AP2B1: variants seen among roughly 807,000 people sequenced by gnomAD.
AP2B1 encodes the protein AP-2 complex subunit beta.
Under a neutral mutation model 102.0 loss-of-function variants are expected in AP2B1, and 23 were observed. The observed-to-expected ratio is 0.23, with a 90% CI of 0.16 to 0.32. The LOEUF (loss-of-function observed/expected upper bound fraction) is 0.32. AP2B1 is among the 10% of genes least tolerant of loss of function. AP2B1 has a pLI of 1.00. For missense variants in AP2B1, 541 were observed against 1,157.4 expected, an observed-to-expected ratio of 0.47 and a Z score of 7.73; for synonymous variants, 381 against 421.2, an observed-to-expected ratio of 0.90 and a Z score of 1.17.
chr17:35,633,399 A>G (rs1365362980), intron 9 of AP2B1, among the ~76,000 whole-genome samples: 2 of 152,044 alleles, frequency 1.3e-5, no homozygotes, highest in Admixed American at 6.6e-5. Flanking sequence ...TCATGGTACA[A>G]CAGAACCATC....
At position 35,649,821 on chromosome 17, in the gene AP2B1, G is replaced by A. The variant is rs564825132; in HGVS notation, c.1537-709G>A. Reference sequence around the variant, plus strand: ...CTGTTGCCCAGTCTGGAGTGCAGCGGTGCAGTCATGGCTCACTGCAGCCTC... The same window carrying A: ...CTGTTGCCCAGTCTGGAGTGCAGCGATGCAGTCATGGCTCACTGCAGCCTC... On this transcript the variant is annotated intron_variant, in intron 12 of 21. Transcript: ENST00000610402. Among the ~76,000 whole-genome samples the A allele has an allele frequency of 7.9e-5, 12 of 152,204 alleles. No individual in the cohort carries two copies. The South Asian group carries it at 2.1e-3, about 26-fold the overall frequency.
intron 21 of AP2B1, among the ~76,000 whole-genome samples, chr17:35,717,802 C>T (rs587768592): frequency 6.4e-4 from 97 of 152,244 alleles, no homozygotes; most frequent in African/African-American, 2.3e-3. Context: ...ATTGTATGAC[C>T]TGAAATGCTT....
intron 3 of AP2B1, among the ~76,000 whole-genome samples, chr17:35,601,592 A>G (rs1401406007): frequency 6.6e-6 from 1 of 151,034 alleles, no homozygotes; most frequent in African/African-American, 2.4e-5. Context: ...ATGAACACTT[A>G]GTTCATCTAT....
intron 18 of AP2B1, among the ~76,000 whole-genome samples, chr17:35,701,528 C>G (rs1289230022): frequency 2.0e-5 from 3 of 152,208 alleles, no homozygotes; most frequent in Non-Finnish European, 4.4e-5. Flanking sequence ...GCCTCCTTCA[C>G]AGTATGTGTC....
intron 9 of AP2B1, among the ~76,000 whole-genome samples, chr17:35,632,578 A>G (rs1027537833): frequency 6.6e-6 from 1 of 151,148 alleles, no homozygotes; most frequent in Admixed American, 6.6e-5. Flanking sequence ...TGAATTTTGT[A>G]TGTATTTCTG....
chr17:35,705,105 G>A (rs2076315433), intron 18 of AP2B1, among the ~76,000 whole-genome samples: 1 of 152,164 alleles, frequency 6.6e-6, no homozygotes. Context: ...GGAATAAGAA[G>A]TAATTTTGAT....
intron 18 of AP2B1, among the ~76,000 whole-genome samples, chr17:35,684,008 G>A (rs368119543): frequency 5.9e-5 from 9 of 152,350 alleles, no homozygotes; most frequent in African/African-American, 2.2e-4. Flanking sequence ...CACTACTTAT[G>A]TAGGTGTAGT....
chr17:35,689,537 G>A (rs2076001169), intron 18 of AP2B1, among the ~76,000 whole-genome samples: 1 of 152,042 alleles, frequency 6.6e-6, no homozygotes, highest in Non-Finnish European at 1.5e-5. Context: ...TAAAAAATTA[G>A]CAAGAATTCC....
chr17:35,592,877 T>A (rs1022531067), intron 1 of AP2B1, among the ~76,000 whole-genome samples: 3 of 152,198 alleles, frequency 2.0e-5, no homozygotes, highest in Non-Finnish European at 4.4e-5. Context: ...TCTGGTACAT[T>A]GGACAAAGTC....
intron 21 of AP2B1, among the ~76,000 whole-genome samples, chr17:35,721,021 A>G (rs2085375541): frequency 6.6e-6 from 1 of 152,124 alleles, no homozygotes; most frequent in South Asian, 2.1e-4. Flanking sequence ...TTCCTATTAT[A>G]CTATTAATCT....
chr17:35,714,375 TC>T (rs367836864), intron 20 of AP2B1, among the ~76,000 whole-genome samples: 3 of 152,160 alleles, frequency 2.0e-5, no homozygotes, highest in African/African-American at 7.2e-5. Flanking sequence ...AGATGTAAAT[TC>T]CCCCATTCCC....
intron 18 of AP2B1, among the ~76,000 whole-genome samples, chr17:35,691,609 A>T (rs1467108297): frequency 6.6e-6 from 1 of 152,210 alleles, no homozygotes; most frequent in African/African-American, 2.4e-5. Context: ...TGCTCCTTGA[A>T]TAGATAATGA....
At chr17:35,613,516 G>C (rs939867740) in intron 5 of AP2B1, among the ~76,000 whole-genome samples, 2 of 152,142 alleles carry the variant, frequency 1.3e-5, no homozygotes, top group Non-Finnish European at 2.9e-5. Context: ...AGAGAGAAAA[G>C]ATGAATTTAG....
At chr17:35,673,563 T>C (rs1253659577) in intron 16 of AP2B1, among the ~76,000 whole-genome samples, 2 of 152,342 alleles carry the variant, frequency 1.3e-5, no homozygotes, top group African/African-American at 2.4e-5. Context: ...GGGCGTGTTA[T>C]GAATTATTTA....
At chr17:35,722,479 A>G (rs1336496891) in intron 21 of AP2B1, among the ~76,000 whole-genome samples, 2 of 152,068 alleles carry the variant, frequency 1.3e-5, no homozygotes, top group African/African-American at 4.8e-5. Flanking sequence ...ATATCTTCCC[A>G]TGTTCTTTTG....
chr17:35,650,923 G>T, intron 13 of AP2B1, 134 bp downstream of exon 13: 1 of 1,038,596 alleles, frequency 9.6e-7, no homozygotes, highest in South Asian at 1.6e-5. Context: ...GTCTGGAAAA[G>T]AACTGCTGTA....
chr17:35,717,500 T>C (rs2085210292), intron 21 of AP2B1, 151 bp downstream of exon 21: 1 of 843,090 alleles, frequency 1.2e-6, no homozygotes. Flanking sequence ...TCCATTTGCC[T>C]CAATGGAAGA....
At position 35,660,631 on chromosome 17, in the gene AP2B1, C is replaced by T. The variant is rs190841909; in HGVS notation, c.1989+2840C>T. Among the ~76,000 whole-genome samples the T allele has an allele frequency of 8.2e-3, 1,252 of 151,876 alleles. 8 individuals are homozygous for T. The highest frequency in any genetic ancestry group is 0.013 in the Non-Finnish European group (882 of 67,916). On this transcript the variant is annotated intron_variant, in intron 14 of 21. Transcript: ENST00000610402. ...CCGAGTAGCTGGGATTACAGGTGCC[C>T]GCCACCACGCCCGGCTAATTTTTTG...
At chr17:35,687,650 C>T (rs762851781) in intron 18 of AP2B1, among the ~76,000 whole-genome samples, 4 of 151,986 alleles carry the variant, frequency 2.6e-5, no homozygotes, top group Non-Finnish European at 4.4e-5. Context: ...TAGGCTCAAG[C>T]GATCCTGCTA....
Sources: allele counts gnomAD v4.1 joint callset (sites outside exome capture counted in the v4.1 genomes callset), GRCh38; gene constraint gnomAD v4.1.1; transcripts MANE v1.5; gene names NCBI Gene and HGNC (gene_info 2026-07-23, HGNC 2026-07-21).